Variants in RASAL1 observed in about 807,000 individuals in gnomAD.
RASAL1 encodes the protein rasGAP-activating-like protein 1.
RASAL1 carries 72 observed loss-of-function variants against 96.6 expected under a neutral mutation model. The observed-to-expected ratio is 0.75, with a 90% CI of 0.62 to 0.91. The LOEUF is 0.91. RASAL1 is among the 40% of genes least tolerant of loss of function. The pLI, the probability that RASAL1 is intolerant of heterozygous loss-of-function variation, is 0.00. For missense variants in RASAL1, 1,016 were observed against 1,072.5 expected, an observed-to-expected ratio of 0.95 and a Z score of 0.74; for synonymous variants, 405 against 430.4, an observed-to-expected ratio of 0.94 and a Z score of 0.73.
At chr12:113,132,626 C>T (rs982816209) in intron 1 of RASAL1, among the ~76,000 whole-genome samples, 3 of 152,192 alleles carry the variant, frequency 2.0e-5, no homozygotes, top group Admixed American at 6.5e-5. Flanking sequence ...TCCACAAATG[C>T]CTCTGGGATG....
intron 14 of RASAL1, 146 bp from the exon 15 acceptor site, chr12:113,107,387 C>T: frequency 1.1e-6 from 1 of 942,388 alleles, no homozygotes. Context: ...CTTTGGGAGG[C>T]CGAAGTAAGC....
intron 1 of RASAL1, among the ~76,000 whole-genome samples, chr12:113,131,812 C>T (rs751443550): frequency 6.6e-6 from 1 of 152,176 alleles, no homozygotes; most frequent in Non-Finnish European, 1.5e-5. Context: ...TTCCCTTTGC[C>T]TAAGACACTT....
In RASAL1 at chr12:113,127,885, CG is replaced by C. The variant is rs1342813057; in HGVS notation, c.237-13del. 2 of 1,612,354 alleles carry C rather than the reference CG, an allele frequency of 1.2e-6. No individual in the cohort carries two copies. Among genetic ancestry groups the C allele is most frequent in the African/African-American group, 2.7e-5 (2 of 74,896 alleles). Reference sequence around the variant, plus strand: ...TGATGTCGTCGTGCCTGCAGGAAGGCGGGCACGTGAAGGTCTGAGTCAGGGG... The same window carrying C: ...TGATGTCGTCGTGCCTGCAGGAAGGCGGCACGTGAAGGTCTGAGTCAGGGG... On this transcript the variant is annotated splice_polypyrimidine_tract_variant and intron_variant, in intron 3 of 20. Transcript: ENST00000548055.
intron 1 of RASAL1, among the ~76,000 whole-genome samples, chr12:113,132,767 A>G (rs935553246): frequency 6.6e-6 from 1 of 152,050 alleles, no homozygotes; most frequent in African/African-American, 2.4e-5. Context: ...GGACACTCCA[A>G]TGCCTCCATT....
At position 113,117,150 on chromosome 12, in the gene RASAL1, A is replaced by C. The variant is rs1396793173; in HGVS notation, c.654T>G (p.Ser218=). 1 of 1,600,364 alleles carries C rather than the reference A, an allele frequency of 6.2e-7. No homozygotes were observed. Among genetic ancestry groups the C allele is most frequent in the Non-Finnish European group, 8.6e-7 (1 of 1,169,300 alleles). Residue 218 remains serine, a synonymous_variant, in exon 8 of 21, where the codon TCT becomes TCG. Coordinates refer to ENST00000548055, the MANE Select transcript of RASAL1 (RefSeq NM_001301202.2). The part of the protein sequence containing the change: ...KNDFLGMVEF[S]PKTLQQKPPK... ...GTGGCTTCTGCTGGAGGGTCTTTGG[A>C]GAGAACTCCACCTTTTGAGAGAGAC... is the stretch of plus-strand genomic sequence containing the variant.
rs57245306 is a variant in RASAL1 at position 113,132,879 on chromosome 12, C to T, written c.66-1938G>A. 5.9e-3 allele frequency among the ~76,000 whole-genome samples: 895 copies of T among 152,296 alleles called. 14 individuals carry two copies. The highest frequency in any genetic ancestry group is 0.02 in the African/African-American group (849 of 41,564). On this transcript the variant is annotated intron_variant, in intron 1 of 20. Transcript: ENST00000548055. ...TCCCCTTCTGTGGAGTGCCCCAAGCCTCAGTTTCCTCTTCTGGCTCCATCC... is the reference window on the plus strand; with the variant it reads ...TCCCCTTCTGTGGAGTGCCCCAAGCTTCAGTTTCCTCTTCTGGCTCCATCC...
At chr12:113,102,236 T>A (rs2136090362) in intron 18 of RASAL1, among the ~76,000 whole-genome samples, 1 of 151,584 alleles carries the variant, frequency 6.6e-6, no homozygotes, top group East Asian at 2.0e-4. Flanking sequence ...GGCAACATAG[T>A]GAGACCTTGT....
At chr12:113,126,389 G>A (rs1052018403) in intron 4 of RASAL1, among the ~76,000 whole-genome samples, 1 of 152,018 alleles carries the variant, frequency 6.6e-6, no homozygotes, top group African/African-American at 2.4e-5. Context: ...AGTATTAAGA[G>A]CGCAGACTCG....
At chr12:113,124,767 T>C (rs1420006845) in intron 4 of RASAL1, among the ~76,000 whole-genome samples, 4 of 152,180 alleles carry the variant, frequency 2.6e-5, no homozygotes, top group Non-Finnish European at 5.9e-5. Context: ...TAGGCCCTCA[T>C]GAAATAGGAT....
chr12:113,115,613 G>A lies in RASAL1; in HGVS notation c.1003+22C>T, dbSNP rs770909103. ...GCCCACCATTGAGGGCGGTGATGTC[G>A]GGGGTTGTGCGGGCAACTCACTGGT... On this transcript the variant is annotated intron_variant, in intron 10 of 20. Coordinates refer to ENST00000548055, the MANE Select transcript of RASAL1 (RefSeq NM_001301202.2). This position sits in a 1 kb window ranked among gnomAD's most constrained non-coding sequence, Gnocchi z 4.1. 1.7e-5 allele frequency: 27 copies of A among 1,610,272 alleles called. No individual in the cohort carries two copies. Among genetic ancestry groups the A allele is most frequent in the African/African-American group, 1.5e-4 (11 of 74,834 alleles).
intron 19 of RASAL1, among the ~76,000 whole-genome samples, chr12:113,101,175 G>A (rs368033552): frequency 6.6e-6 from 1 of 152,166 alleles, no homozygotes; most frequent in African/African-American, 2.4e-5. Context: ...CTTTGAGAGG[G>A]CAAGGCGAGA....
chr12:113,100,729 C>T (rs1950414970), intron 19 of RASAL1, 49 bp from the exon 20 acceptor site: 1 of 1,512,140 alleles, frequency 6.6e-7, no homozygotes, highest in African/African-American at 1.4e-5. Flanking sequence ...ATTCCCATTC[C>T]TGCTTCCTAC....
chr12:113,124,745 C>G (rs139219731), intron 4 of RASAL1, among the ~76,000 whole-genome samples: 2 of 152,178 alleles, frequency 1.3e-5, no homozygotes, highest in Non-Finnish European at 2.9e-5. Context: ...TAGCACCATG[C>G]CTGGCATATA....
upstream of RASAL1, chr12:113,135,958 C>G (rs1268584229): frequency 6.2e-6 from 1 of 161,122 alleles, no homozygotes. The surrounding 1 kb of genome is among the most constrained non-coding windows in gnomAD (Gnocchi z 5.7). Context: ...TGGCCGCTGG[C>G]TCCTGGTGAG....
chr12:113,135,165 C>T lies in RASAL1; in HGVS notation c.65+233G>A, dbSNP rs1951865352. On this transcript the variant is annotated intron_variant, in intron 1 of 20. Coordinates refer to ENST00000548055, the MANE Select transcript of RASAL1 (RefSeq NM_001301202.2). The surrounding 1 kb of genome is among the most constrained non-coding windows in gnomAD (Gnocchi z 5.7). The stretch of plus-strand genomic sequence containing the variant: ...CATCCCGGGAACAAAGACACCCCCT[C>T]CCCTGCCCGGGGGTGAGGCGGGGCA... 6.6e-6 allele frequency among the ~76,000 whole-genome samples: 1 copy of T among 152,168 alleles called. No homozygotes were observed. The highest frequency in any genetic ancestry group is 1.5e-5 in the Non-Finnish European group (1 of 68,024).
At chr12:113,108,049 A>G (rs1048244823) in intron 14 of RASAL1, 36 bp downstream of exon 14, 2 of 1,578,024 alleles carry the variant, frequency 1.3e-6, no homozygotes, top group Non-Finnish European at 1.7e-6. Context: ...TTCCCTGGCT[A>G]AAGTACCTAG....
At chr12:113,123,947 T>C (rs1305415390) in intron 4 of RASAL1, among the ~76,000 whole-genome samples, 1 of 152,068 alleles carries the variant, frequency 6.6e-6, no homozygotes, top group Non-Finnish European at 1.5e-5. Context: ...TGGCCTGGCA[T>C]GGTGGTTCAC....
chr12:113,119,124 T>C lies in RASAL1; in HGVS notation c.642+4A>G. ...TGGAGGGTATTGTAGGGAATGAGGCTCACCATGCCCAAGAAGTCATTCTTG... is the reference window on the plus strand; with the variant it reads ...TGGAGGGTATTGTAGGGAATGAGGCCCACCATGCCCAAGAAGTCATTCTTG... On this transcript the variant is annotated splice_donor_region_variant and intron_variant, in intron 7 of 20. Transcript: ENST00000548055. 6.2e-7 allele frequency: 1 copy of C among 1,602,894 alleles called. No individual in the cohort carries two copies. Among genetic ancestry groups the C allele is most frequent in the Non-Finnish European group, 8.5e-7 (1 of 1,173,326 alleles).
chr12:113,121,525 G>A lies in RASAL1; in HGVS notation c.412C>T (p.His138Tyr), dbSNP rs1051952455. Reference sequence around the variant, plus strand: ...TAAGCATACCTGGCCTGAAGCACATGGCAGCGAAGGCAGCGGCCCTGCCCA... The same window carrying A: ...TAAGCATACCTGGCCTGAAGCACATAGCAGCGAAGGCAGCGGCCCTGCCCA... ...EDGQGRCLRC[H>Y]VLQARDLAPR... Residue 138 changes from histidine to tyrosine, a missense_variant, in exon 5 of 21, where the codon CAT becomes TAT. Physicochemically the swap from His to Tyr is moderately conservative, Grantham distance 83. Coordinates refer to ENST00000548055, the MANE Select transcript of RASAL1 (RefSeq NM_001301202.2). The A allele has an allele frequency of 3.1e-6, 5 of 1,614,030 alleles. No homozygotes were observed. Among genetic ancestry groups the A allele is most frequent in the Non-Finnish European group, 4.2e-6 (5 of 1,180,036 alleles).
Sources: allele counts gnomAD v4.1 joint callset (sites outside exome capture counted in the v4.1 genomes callset), GRCh38; gene constraint gnomAD v4.1.1; non-coding constraint Gnocchi (gnomAD v3.1); transcripts MANE v1.5; gene names NCBI Gene and HGNC (gene_info 2026-07-23, HGNC 2026-07-21).